The following NFIB variants were observed in gnomAD, a reference collection of about 807,000 sequenced individuals.
The protein encoded by NFIB is nuclear factor 1 B-type.
A neutral mutation model predicts 61.5 loss-of-function variants in NFIB; 11 were observed. That is an observed-to-expected ratio of 0.18 (90% CI 0.11 to 0.30). NFIB has a LOEUF of 0.30. Ranked by LOEUF, NFIB falls within the 10% of genes least tolerant of loss-of-function variation. The pLI is 1.00. For missense variants in NFIB, 471 were observed against 608.9 expected, an observed-to-expected ratio of 0.77 and a Z score of 2.38; for synonymous variants, 260 against 216.5, an observed-to-expected ratio of 1.20 and a Z score of -1.76.
At chr9:14,412,518 C>G in the NFIB span, among the ~76,000 whole-genome samples, 6 of 152,202 alleles carry the variant, frequency 3.9e-5, no homozygotes, top group Admixed American at 2.0e-4. Flanking sequence ...TCATTCTTCT[C>G]CTGCTGCTGC....
the NFIB span, among the ~76,000 whole-genome samples, chr9:14,434,193 G>C: frequency 2.3e-3 from 344 of 152,288 alleles, no homozygotes; most frequent in African/African-American, 8.0e-3. Context: ...AAAATAAAAT[G>C]AGCATTGTCT....
intron 6 of NFIB, among the ~76,000 whole-genome samples, chr9:14,128,185 A>C (rs1280131400): frequency 1.3e-5 from 2 of 152,172 alleles, no homozygotes; most frequent in African/African-American, 4.8e-5. Context: ...AGGTGGAAAG[A>C]ACCTCTATTC....
intron 1 of NFIB, chr9:14,321,920 C>G: frequency 8.1e-7 from 1 of 1,231,576 alleles, no homozygotes; most frequent in Non-Finnish European, 1.0e-6. Context: ...AAACAAAACC[C>G]ATCAGTTCAA....
chr9:14,222,787 T>A (rs1372056639), intron 2 of NFIB, among the ~76,000 whole-genome samples: 1 of 31,738 alleles, frequency 3.2e-5, no homozygotes, highest in African/African-American at 1.2e-4. Flanking sequence ...CAGAGTAAGA[T>A]CCTGTCTCAA....
intron 10 of NFIB, among the ~76,000 whole-genome samples, chr9:14,104,682 G>C (rs1487654052): frequency 6.6e-6 from 1 of 151,530 alleles, no homozygotes; most frequent in East Asian, 1.9e-4. Context: ...CAGAAATCAA[G>C]TGATCCTCCC....
rs891601257 is a variant in NFIB, at chr9:14,085,986, T to C, written c.*2323A>G. The C allele has an allele frequency of 1.3e-5, 3 of 229,684 alleles. No homozygotes were observed. The highest frequency in any genetic ancestry group is 6.6e-5 in the African/African-American group (3 of 45,168). The allele number at this position is 229,684 out of a possible 1,614,324, so 14.2% of individuals were successfully genotyped here. On this transcript the variant is annotated 3_prime_UTR_variant, in exon 11 of 11. Coordinates refer to ENST00000380953, the MANE Select transcript of NFIB (RefSeq NM_001190737.2). ...GATCTGGAACTTTCAAGAAAAACTA[T>C]CACCAAGCCAAGTCTGCCTTTTTAA... is the stretch of plus-strand genomic sequence containing the variant.
At chr9:14,194,336 T>C (rs1337360304) in intron 2 of NFIB, among the ~76,000 whole-genome samples, 1 of 152,002 alleles carries the variant, frequency 6.6e-6, no homozygotes, top group Admixed American at 6.6e-5. Flanking sequence ...ACAATCTCCA[T>C]AAATATGACA....
chr9:14,336,299 T>C (rs1198854402), intron 1 of NFIB, among the ~76,000 whole-genome samples: 1 of 152,240 alleles, frequency 6.6e-6, no homozygotes, highest in Non-Finnish European at 1.5e-5. Flanking sequence ...TATTCAAAGA[T>C]ATGTTTTTAT....
chr9:14,366,802 A>AT (rs568333838), intron 1 of NFIB, among the ~76,000 whole-genome samples: 40 of 152,018 alleles, frequency 2.6e-4, no homozygotes, highest in African/African-American at 8.7e-4. Flanking sequence ...TTCTTTTTAA[A>AT]TTTTTTTCCC....
At chr9:14,266,886 T>G (rs984048497) in intron 2 of NFIB, among the ~76,000 whole-genome samples, 2 of 152,220 alleles carry the variant, frequency 1.3e-5, no homozygotes, top group African/African-American at 4.8e-5. Flanking sequence ...GACTTAATAC[T>G]TTAATTAATC....
At chr9:14,302,113 A>T (rs187005127) in intron 2 of NFIB, among the ~76,000 whole-genome samples, 1 of 152,358 alleles carries the variant, frequency 6.6e-6, no homozygotes, top group East Asian at 1.9e-4. Flanking sequence ...ATTTTAATCA[A>T]TTATGAAAGC....
At chr9:14,145,178 C>T (rs1248447234) in intron 6 of NFIB, among the ~76,000 whole-genome samples, 2 of 152,086 alleles carry the variant, frequency 1.3e-5, no homozygotes, top group Non-Finnish European at 2.9e-5. Flanking sequence ...CATATCCTTG[C>T]ATAAAATGAC....
At chr9:14,423,122 C>T in the NFIB span, among the ~76,000 whole-genome samples, 1 of 152,100 alleles carries the variant, frequency 6.6e-6, no homozygotes, top group East Asian at 1.9e-4. Context: ...AGAGTGCTAC[C>T]ATTAGTTACT....
intron 1 of NFIB, among the ~76,000 whole-genome samples, chr9:14,378,881 T>G (rs968619010): frequency 6.6e-6 from 1 of 152,004 alleles, no homozygotes; most frequent in Non-Finnish European, 1.5e-5. Context: ...CAGCAGCACC[T>G]TGTACTTCTG....
intron 2 of NFIB, among the ~76,000 whole-genome samples, chr9:14,302,362 T>C (rs1332504288): frequency 6.6e-6 from 1 of 152,204 alleles, no homozygotes; most frequent in Non-Finnish European, 1.5e-5. Context: ...TAATAATGAT[T>C]ATGACTTCCC....
the NFIB span, among the ~76,000 whole-genome samples, chr9:14,415,636 A>C: frequency 1.3e-5 from 2 of 152,190 alleles, no homozygotes; most frequent in Non-Finnish European, 2.9e-5. Flanking sequence ...ATAATCTGTT[A>C]ATTAGAGACA....
At chr9:14,405,897 C>A in the NFIB span, among the ~76,000 whole-genome samples, 4 of 152,104 alleles carry the variant, frequency 2.6e-5, no homozygotes, top group Admixed American at 6.5e-5. Context: ...TAGGGAAGAA[C>A]CTTGGATATG....
the NFIB span, among the ~76,000 whole-genome samples, chr9:14,474,001 C>T: frequency 3.9e-4 from 59 of 152,196 alleles, no homozygotes; most frequent in Admixed American, 3.1e-3. Context: ...GGTGTGAGGA[C>T]GGAGATGAAC....
chr9:14,349,648 C>G (rs1249091945), intron 1 of NFIB, among the ~76,000 whole-genome samples: 3 of 152,062 alleles, frequency 2.0e-5, no homozygotes, highest in Non-Finnish European at 4.4e-5. Flanking sequence ...CACAAAGCAC[C>G]CAGCTGAAAA....
Sources: gnomAD v4.1 joint callset for allele counts (sites outside exome capture counted in the v4.1 genomes callset) on GRCh38, gnomAD v4.1.1 for gene constraint, MANE v1.5 for transcripts, NCBI Gene and HGNC (gene_info 2026-07-23, HGNC 2026-07-21) for gene names.